The following SPAG16 variants were observed in gnomAD, a reference collection of about 807,000 sequenced individuals.
The protein encoded by SPAG16 is sperm-associated antigen 16 protein.
A neutral mutation model predicts 80.4 loss-of-function variants in SPAG16; 86 were observed. The ratio of observed to expected loss-of-function variants is 1.07; its 90% CI spans 0.90 to 1.28. The LOEUF (loss-of-function observed/expected upper bound fraction) is 1.28. Ranked by LOEUF, SPAG16 falls within the 50% of genes most tolerant of loss-of-function variation. The pLI is 0.00. For synonymous variants in SPAG16, 294 were observed against 265.9 expected (o/e 1.11, Z -1.03); for missense variants, 870 against 765.3 (o/e 1.14, Z -1.61).
intron 12 of SPAG16, among the ~76,000 whole-genome samples, chr2:213,946,677 C>T (rs935273864): frequency 7.9e-5 from 12 of 152,044 alleles, no homozygotes; most frequent in Non-Finnish European, 1.6e-4. Context: ...AAGCTCAGAC[C>T]TCATTCATAT....
chr2:213,813,177 T>C (rs546518282), intron 10 of SPAG16, among the ~76,000 whole-genome samples: 149 of 152,054 alleles, frequency 9.8e-4, no homozygotes, highest in Middle Eastern at 3.4e-3. Context: ...CACAAAAAAA[T>C]AGATGAACTG....
chr2:213,513,567 G>A (rs998900732), intron 10 of SPAG16, among the ~76,000 whole-genome samples: 14 of 152,010 alleles, frequency 9.2e-5, no homozygotes, highest in African/African-American at 4.8e-5. Flanking sequence ...TGGTGTCTTC[G>A]ACACATGACC....
intron 10 of SPAG16, among the ~76,000 whole-genome samples, chr2:213,646,656 T>C (rs1353583160): frequency 6.6e-6 from 1 of 152,252 alleles, no homozygotes; most frequent in Non-Finnish European, 1.5e-5. Flanking sequence ...GAGTCTTTTA[T>C]ATATCATTTC....
chr2:213,606,766 T>C (rs953238288), intron 10 of SPAG16, among the ~76,000 whole-genome samples: 1 of 152,230 alleles, frequency 6.6e-6, no homozygotes, highest in South Asian at 2.1e-4. Flanking sequence ...TCTCAATCTG[T>C]ATTTAGCAAT....
rs1173227790 is a variant in SPAG16, at chr2:213,981,854, G to T, written c.1401-32097G>T. Among the ~76,000 whole-genome samples, 4 of 149,300 alleles carry T rather than the reference G, an allele frequency of 2.7e-5. 1 individual carries two copies. The highest frequency in any genetic ancestry group is 4.4e-5 in the Non-Finnish European group (3 of 67,906). ...AATCAAATGAGTTAGTTGACAAAAG[G>T]TTTTAAAGTCCGAATTTAATTCATG... On this transcript the variant is annotated intron_variant, in intron 12 of 15. Coordinates refer to ENST00000331683, the MANE Select transcript of SPAG16 (RefSeq NM_024532.5).
chr2:213,920,470 G>C (rs2078165536), intron 11 of SPAG16, among the ~76,000 whole-genome samples: 1 of 152,228 alleles, frequency 6.6e-6, no homozygotes. Flanking sequence ...TTGGCAATGT[G>C]ATATATGTGG....
At chr2:213,795,079 A>T (rs565381127) in intron 10 of SPAG16, among the ~76,000 whole-genome samples, 1 of 152,280 alleles carries the variant, frequency 6.6e-6, no homozygotes, top group South Asian at 2.1e-4. Context: ...AACTTTTAAA[A>T]ATTATTGATA....
intron 10 of SPAG16, among the ~76,000 whole-genome samples, chr2:213,853,898 T>G (rs952234795): frequency 1.4e-4 from 22 of 152,270 alleles, no homozygotes; most frequent in Admixed American, 1.2e-3. Context: ...TGAGGAGGGG[T>G]ATCCTGCTAT....
chr2:213,789,225 T>C (rs896432372), intron 10 of SPAG16, among the ~76,000 whole-genome samples: 2 of 151,978 alleles, frequency 1.3e-5, no homozygotes, highest in Non-Finnish European at 2.9e-5. Context: ...CCATCCTTTC[T>C]GTAGGCTATA....
chr2:213,740,421 C>T (rs956100221), intron 10 of SPAG16, among the ~76,000 whole-genome samples: 2 of 152,146 alleles, frequency 1.3e-5, no homozygotes, highest in Non-Finnish European at 2.9e-5. Context: ...CAGAAAGGAA[C>T]AGCTGCTCAC....
At chr2:213,391,687 A>G (rs550533286) in intron 9 of SPAG16, among the ~76,000 whole-genome samples, 1 of 152,340 alleles carries the variant, frequency 6.6e-6, no homozygotes, top group East Asian at 1.9e-4. Context: ...GGGAAGATAA[A>G]AGATCTCTAA....
intron 12 of SPAG16, among the ~76,000 whole-genome samples, chr2:214,013,242 C>T (rs1029370646): frequency 6.8e-6 from 1 of 147,180 alleles, no homozygotes; most frequent in Non-Finnish European, 1.5e-5. Flanking sequence ...ATATGGGGTA[C>T]AATTTGATGT....
intron 10 of SPAG16, among the ~76,000 whole-genome samples, chr2:213,520,534 C>T (rs2075621310): frequency 6.6e-6 from 1 of 152,000 alleles, no homozygotes; most frequent in Admixed American, 6.5e-5. Context: ...GCGGAGCTTG[C>T]AGTGAGCCGA....
At chr2:214,010,468 T>G (rs2047230024) in intron 12 of SPAG16, among the ~76,000 whole-genome samples, 1 of 146,732 alleles carries the variant, frequency 6.8e-6, no homozygotes, top group African/African-American at 2.7e-5. Context: ...CATTAGGGTA[T>G]GCTGTGCTAA....
chr2:213,292,688 AAAAAAAC>A lies in SPAG16; in HGVS notation c.137-3371_137-3365del, dbSNP rs2062339403. Among the ~76,000 whole-genome samples, 5 of 138,808 alleles carry A rather than the reference AAAAAAAC, an allele frequency of 3.6e-5. 1 individual carries two copies. The highest frequency in any genetic ancestry group is 1.1e-4 in the African/African-American group (4 of 35,814). The allele number at this position is 138,808 out of a possible 152,430, so 91.1% of individuals were successfully genotyped here. A position where few individuals can be genotyped will look rare whatever the true frequency, so the allele number is the denominator to read the frequency against. The stretch of plus-strand genomic sequence containing the variant: ...CAAAAAAAAAAAACAAAAAAAACAA[AAAAAAAC>A]AAAACTATCAGAAAGATATAAATCT... On this transcript the variant is annotated intron_variant, in intron 1 of 15. Transcript: ENST00000331683.
chr2:213,995,583 A>T (rs941466817), intron 12 of SPAG16, among the ~76,000 whole-genome samples: 1 of 152,154 alleles, frequency 6.6e-6, no homozygotes, highest in African/African-American at 2.4e-5. Flanking sequence ...TTATATGTCT[A>T]GCTAGAAATT....
chr2:213,714,143 G>A (rs1281712714), intron 10 of SPAG16, among the ~76,000 whole-genome samples: 1 of 152,166 alleles, frequency 6.6e-6, no homozygotes, highest in Non-Finnish European at 1.5e-5. Context: ...GTAGAGGTGA[G>A]CTCTCTCCAA....
chr2:213,878,407 C>G (rs1323240888), intron 11 of SPAG16, among the ~76,000 whole-genome samples: 1 of 151,726 alleles, frequency 6.6e-6, no homozygotes, highest in East Asian at 1.9e-4. Flanking sequence ...GTGTTTTTAA[C>G]TTGTATTTGT....
At chr2:214,265,953 T>C (rs550637557) in intron 15 of SPAG16, among the ~76,000 whole-genome samples, 1 of 152,000 alleles carries the variant, frequency 6.6e-6, no homozygotes, top group Non-Finnish European at 1.5e-5. Flanking sequence ...TATTGTTCTT[T>C]ATTTATTTTC....
Sources: gnomAD v4.1 joint callset for allele counts (sites outside exome capture counted in the v4.1 genomes callset) on GRCh38, gnomAD v4.1.1 for gene constraint, MANE v1.5 for transcripts, NCBI Gene and HGNC (gene_info 2026-07-23, HGNC 2026-07-21) for gene names.